Variants in CNTN5 observed in about 807,000 individuals in gnomAD.
CNTN5 encodes the protein contactin 5.
CNTN5 carries 77 observed loss-of-function variants against 129.1 expected under a neutral mutation model. The observed-to-expected ratio is 0.60, with a 90% CI of 0.50 to 0.72. The LOEUF is 0.72. CNTN5 is among the 30% of genes least tolerant of loss of function. The pLI is 0.00. For missense variants in CNTN5, 1,478 were observed against 1,328.8 expected (o/e 1.11, Z -1.75); for synonymous variants, 509 against 465.6 (o/e 1.09, Z -1.20).
intron 1 of CNTN5, among the ~76,000 whole-genome samples, chr11:99,289,701 C>T (rs1321788113): frequency 6.6e-6 from 1 of 151,756 alleles, no homozygotes; most frequent in African/African-American, 2.4e-5. Flanking sequence ...CTGACATATG[C>T]TTCTCAAATG....
At chr11:99,230,430 A>G (rs985293029) in intron 1 of CNTN5, among the ~76,000 whole-genome samples, 1 of 148,702 alleles carries the variant, frequency 6.7e-6, no homozygotes, top group African/African-American at 2.5e-5. Context: ...TTTAAATGGA[A>G]ATAAATTATG....
rs1353730007 is a variant in CNTN5 at position 100,200,185 on chromosome 11, C to T, written c.1884+6522C>T. 3.3e-5 allele frequency among the ~76,000 whole-genome samples: 5 copies of T among 151,870 alleles called. No homozygotes were observed. The East Asian group carries it at 9.7e-4, about 29-fold the overall frequency. On this transcript the variant is annotated intron_variant, in intron 15 of 24. Coordinates refer to ENST00000524871, the MANE Select transcript of CNTN5 (RefSeq NM_014361.4). ...TACTTCCTATGGGTCACAGGGCAGT[C>T]AGTACTGGAAAGTAGTGCTGTATTG... is the stretch of plus-strand genomic sequence containing the variant.
At chr11:99,456,009 TC>T (rs1944484389) in intron 2 of CNTN5, among the ~76,000 whole-genome samples, 2 of 152,300 alleles carry the variant, frequency 1.3e-5, no homozygotes, top group South Asian at 4.1e-4. Context: ...CACAGGTCTT[TC>T]TGTTTCAGAA....
intron 6 of CNTN5, among the ~76,000 whole-genome samples, chr11:99,852,974 A>G (rs926694788): frequency 6.6e-6 from 1 of 152,232 alleles, no homozygotes; most frequent in African/African-American, 2.4e-5. Context: ...TAAAATAGCA[A>G]CATATCATGA....
chr11:99,704,055 A>ATG (rs1407221405), intron 3 of CNTN5, among the ~76,000 whole-genome samples: 2 of 149,676 alleles, frequency 1.3e-5, no homozygotes, highest in African/African-American at 4.9e-5. Flanking sequence ...GTATATATAT[A>ATG]TATGTGTGTG....
At chr11:99,463,668 C>G (rs1944822095) in intron 2 of CNTN5, among the ~76,000 whole-genome samples, 1 of 151,888 alleles carries the variant, frequency 6.6e-6, no homozygotes, top group African/African-American at 2.4e-5. Flanking sequence ...AAAATAGAAC[C>G]ATTTAATATA....
At chr11:99,231,398 A>G (rs983566663) in intron 1 of CNTN5, among the ~76,000 whole-genome samples, 2 of 152,164 alleles carry the variant, frequency 1.3e-5, no homozygotes, top group African/African-American at 4.8e-5. Context: ...TCTAATGATC[A>G]GTGATGTTGA....
chr11:99,556,691 G>C (rs938544295), intron 3 of CNTN5, among the ~76,000 whole-genome samples: 6 of 148,560 alleles, frequency 4.0e-5, no homozygotes, highest in African/African-American at 1.2e-4. Context: ...AATTATAAAA[G>C]TGTCTCATCA....
At chr11:99,861,524 A>T (rs1273728627) in intron 6 of CNTN5, among the ~76,000 whole-genome samples, 2 of 152,200 alleles carry the variant, frequency 1.3e-5, no homozygotes, top group African/African-American at 4.8e-5. Flanking sequence ...AATTCAAGCA[A>T]TATGTAGTTT....
At chr11:99,200,731 G>A (rs1419925735) in intron 1 of CNTN5, among the ~76,000 whole-genome samples, 2 of 152,166 alleles carry the variant, frequency 1.3e-5, no homozygotes, top group African/African-American at 4.8e-5. Flanking sequence ...GGACTGCACT[G>A]TTTCATCCTT....
At chr11:99,136,462 C>A (rs1450817284) in intron 1 of CNTN5, among the ~76,000 whole-genome samples, 3 of 152,128 alleles carry the variant, frequency 2.0e-5, no homozygotes, top group Admixed American at 2.0e-4. Context: ...CCATTAATCA[C>A]TAAAATTCAA....
chr11:99,832,256 A>G (rs1331725228), intron 4 of CNTN5, among the ~76,000 whole-genome samples: 2 of 152,210 alleles, frequency 1.3e-5, no homozygotes, highest in African/African-American at 4.8e-5. Context: ...TAACATAACC[A>G]CATTTAACAA....
At position 100,230,888 on chromosome 11, in the gene CNTN5, G is replaced by T. The variant is rs533664915; in HGVS notation, c.2005+6076G>T. On this transcript the variant is annotated intron_variant, in intron 16 of 24. Coordinates refer to ENST00000524871, the MANE Select transcript of CNTN5 (RefSeq NM_014361.4). ...TAATACACATTTGGATTTATAAATT[G>T]TAAGATGAAATTGTATTTCACTATA... Among the ~76,000 whole-genome samples the T allele has an allele frequency of 5.9e-5, 9 of 152,290 alleles. No homozygotes were observed. In the South Asian group the frequency reaches 1.9e-3, roughly 32 times the overall value.
intron 1 of CNTN5, among the ~76,000 whole-genome samples, chr11:99,252,621 A>C (rs1476443698): frequency 6.6e-6 from 1 of 151,958 alleles, no homozygotes; most frequent in East Asian, 1.9e-4. Context: ...AAAACTTTTA[A>C]ATTACTTTTT....
At chr11:99,864,767 A>T (rs1039279836) in intron 6 of CNTN5, among the ~76,000 whole-genome samples, 1 of 152,226 alleles carries the variant, frequency 6.6e-6, no homozygotes. Flanking sequence ...ATGCATTAGC[A>T]AACCGATGGA....
chr11:99,524,081 T>TA (rs924805079), intron 2 of CNTN5, among the ~76,000 whole-genome samples: 182 of 152,110 alleles, frequency 1.2e-3, no homozygotes, highest in African/African-American at 4.2e-3. Context: ...CCTATAAAAG[T>TA]AAAAAAATGA....
intron 9 of CNTN5, among the ~76,000 whole-genome samples, chr11:100,031,745 G>C (rs1941719764): frequency 6.6e-6 from 1 of 152,126 alleles, no homozygotes; most frequent in South Asian, 2.1e-4. Flanking sequence ...ATGTTATATT[G>C]TAAATTCTTA....
intron 3 of CNTN5, among the ~76,000 whole-genome samples, chr11:99,639,190 T>C (rs1029992322): frequency 6.6e-6 from 1 of 152,212 alleles, no homozygotes; most frequent in African/African-American, 2.4e-5. Context: ...CAGCCTGAGC[T>C]GTACATTGGC....
At chr11:99,279,012 T>C (rs73536867) in intron 1 of CNTN5, among the ~76,000 whole-genome samples, 2,575 of 151,802 alleles carry the variant, frequency 0.017, 81 homozygotes, top group African/African-American at 0.059. Context: ...AGTGAAAATA[T>C]TGACATATTA....
Sources: gnomAD v4.1 joint callset for allele counts (sites outside exome capture counted in the v4.1 genomes callset) on GRCh38, gnomAD v4.1.1 for gene constraint, MANE v1.5 for transcripts, NCBI Gene and HGNC (gene_info 2026-07-23, HGNC 2026-07-21) for gene names.